Variants in CSGALNACT1 observed in about 807,000 individuals in gnomAD.
CSGALNACT1 encodes the protein beta4GalNAcT-1.
Under a neutral mutation model 51.0 loss-of-function variants are expected in CSGALNACT1, and 52 were observed. The ratio of observed to expected loss-of-function variants is 1.02; its 90% CI spans 0.82 to 1.29. The LOEUF (loss-of-function observed/expected upper bound fraction) is 1.29. CSGALNACT1 is among the 50% of genes most tolerant of loss of function. The pLI, the probability that CSGALNACT1 is intolerant of heterozygous loss-of-function variation, is 0.00. For synonymous variants in CSGALNACT1, 341 were observed against 254.4 expected, an observed-to-expected ratio of 1.34 and a Z score of -3.24; for missense variants, 935 against 679.2, an observed-to-expected ratio of 1.38 and a Z score of -4.19.
At chr8:19,708,041 A>G (rs944348049) in intron 1 of CSGALNACT1, among the ~76,000 whole-genome samples, 1 of 152,146 alleles carries the variant, frequency 6.6e-6, no homozygotes, top group African/African-American at 2.4e-5. Context: ...ATAAACAACA[A>G]AAAAACACTG....
chr8:19,594,987 C>T (rs927979619), intron 2 of CSGALNACT1, among the ~76,000 whole-genome samples: 1 of 152,158 alleles, frequency 6.6e-6, no homozygotes, highest in African/African-American at 2.4e-5. Context: ...ATAGAAGTAG[C>T]CCTGTCTGCA....
At chr8:19,691,845 G>C (rs2061340738) in intron 1 of CSGALNACT1, among the ~76,000 whole-genome samples, 1 of 152,144 alleles carries the variant, frequency 6.6e-6, no homozygotes, top group South Asian at 2.1e-4. Context: ...AAATTTGTGA[G>C]AAATGCACAT....
upstream of CSGALNACT1, chr8:19,682,968 C>G: frequency 3.4e-6 from 1 of 294,080 alleles, no homozygotes. Flanking sequence ...TGCAGTCCTT[C>G]GTAAACCAAA....
At chr8:19,752,476 A>G (rs542983954) in intron 1 of CSGALNACT1, among the ~76,000 whole-genome samples, 112 of 152,316 alleles carry the variant, frequency 7.4e-4, no homozygotes, top group African/African-American at 2.5e-3. Context: ...CGTTTCTAAT[A>G]TTTGAGAAAC....
intron 1 of CSGALNACT1, among the ~76,000 whole-genome samples, chr8:19,702,149 C>A (rs1160596812): frequency 1.3e-5 from 2 of 152,126 alleles, no homozygotes; most frequent in Admixed American, 6.6e-5. Context: ...ATCCATCACA[C>A]CACCATTGCA....
intron 1 of CSGALNACT1, among the ~76,000 whole-genome samples, chr8:19,672,161 C>T (rs186347280): frequency 6.6e-6 from 1 of 152,140 alleles, no homozygotes. Flanking sequence ...TGTCAAGGTT[C>T]CTGCCTCCCA....
intron 4 of CSGALNACT1, among the ~76,000 whole-genome samples, chr8:19,476,235 T>G (rs2069591799): frequency 6.6e-6 from 1 of 152,078 alleles, no homozygotes; most frequent in Non-Finnish European, 1.5e-5. Context: ...TCCCCCAGTT[T>G]TTTGTTTGTT....
At chr8:19,675,703 A>G (rs2060126400) in intron 1 of CSGALNACT1, among the ~76,000 whole-genome samples, 1 of 152,126 alleles carries the variant, frequency 6.6e-6, no homozygotes, top group Non-Finnish European at 1.5e-5. Flanking sequence ...TGTGTTGGCC[A>G]GGCTGGTCTC....
intron 3 of CSGALNACT1, among the ~76,000 whole-genome samples, chr8:19,551,170 T>C (rs1282169462): frequency 6.6e-6 from 1 of 152,136 alleles, no homozygotes; most frequent in Admixed American, 6.5e-5. Context: ...TATGTTACAA[T>C]TCCCTTATTT....
intron 6 of CSGALNACT1, among the ~76,000 whole-genome samples, chr8:19,428,198 G>A (rs1479371690): frequency 2.0e-5 from 3 of 152,088 alleles, no homozygotes; most frequent in Non-Finnish European, 2.9e-5. Context: ...CACAATACCC[G>A]AATGTACACC....
intron 3 of CSGALNACT1, among the ~76,000 whole-genome samples, chr8:19,566,817 G>A (rs780773496): frequency 3.3e-5 from 5 of 152,124 alleles, no homozygotes; most frequent in African/African-American, 7.2e-5. Context: ...ACCCCTCAAC[G>A]ATTCACGGAG....
At chr8:19,430,380 G>C (rs538160750) in intron 6 of CSGALNACT1, among the ~76,000 whole-genome samples, 1 of 152,058 alleles carries the variant, frequency 6.6e-6, no homozygotes, top group African/African-American at 2.4e-5. Flanking sequence ...TGTATATATA[G>C]TGGATGTATA....
In CSGALNACT1 at chr8:19,597,285, C is replaced by CTTTTTTTTTTTTTTTTTTTT. The variant is rs35177349; in HGVS notation, c.-416+4466_-416+4485dup. On this transcript the variant is annotated intron_variant, in intron 2 of 9. Coordinates refer to ENST00000454498, the Ensembl canonical transcript of CSGALNACT1. ...GGTTGGGGCTGCCTCTATCTTCTTT[C>CTTTTTTTTTTTTTTTTTTTT]TTTTTTTTTTTTTTTTTTTTTTTTT... Among the ~76,000 whole-genome samples the CTTTTTTTTTTTTTTTTTTTT allele has an allele frequency of 2.5e-4, 16 of 64,566 alleles. 1 individual carries two copies. Among genetic ancestry groups the CTTTTTTTTTTTTTTTTTTTT allele is most frequent in the African/African-American group, 1.1e-3 (16 of 14,416 alleles). 42.4% of individuals were successfully genotyped at this position (64,566 alleles called of 152,430 possible).
intron 4 of CSGALNACT1, among the ~76,000 whole-genome samples, chr8:19,478,749 C>T (rs990961775): frequency 6.6e-6 from 1 of 152,146 alleles, no homozygotes; most frequent in African/African-American, 2.4e-5. Flanking sequence ...CTATAAATTG[C>T]TTCAGTAAAA....
chr8:19,702,452 C>A (rs898311787), intron 1 of CSGALNACT1, among the ~76,000 whole-genome samples: 8 of 152,104 alleles, frequency 5.3e-5, no homozygotes, highest in Non-Finnish European at 1.0e-4. Flanking sequence ...TTGAAGGCTG[C>A]AGTGAGCTAT....
At chr8:19,444,074 C>T (rs564674400) in intron 5 of CSGALNACT1, among the ~76,000 whole-genome samples, 2 of 152,320 alleles carry the variant, frequency 1.3e-5, no homozygotes, top group South Asian at 4.1e-4. Flanking sequence ...GTAATGCTCA[C>T]TTACCAGCTA....
chr8:19,552,064 T>C (rs1398665303), intron 3 of CSGALNACT1, among the ~76,000 whole-genome samples: 1 of 152,118 alleles, frequency 6.6e-6, no homozygotes, highest in Non-Finnish European at 1.5e-5. Flanking sequence ...AATTTATAAA[T>C]GACATGGAGA....
At chr8:19,577,313 A>T (rs1173356868) in intron 3 of CSGALNACT1, among the ~76,000 whole-genome samples, 2 of 151,524 alleles carry the variant, frequency 1.3e-5, no homozygotes, top group East Asian at 3.9e-4. Flanking sequence ...CTGTAATCCC[A>T]GCGCTTTGGG....
At chr8:19,647,908 A>C (rs1203505295) in intron 1 of CSGALNACT1, among the ~76,000 whole-genome samples, 1 of 152,226 alleles carries the variant, frequency 6.6e-6, no homozygotes, top group Non-Finnish European at 1.5e-5. Context: ...AATAAAAGAA[A>C]GGCACTCTGT....
Sources: gnomAD v4.1 joint callset for allele counts (sites outside exome capture counted in the v4.1 genomes callset) on GRCh38, gnomAD v4.1.1 for gene constraint, MANE v1.5 for transcripts, NCBI Gene and HGNC (gene_info 2026-07-23, HGNC 2026-07-21) for gene names.